The following HS6ST3 variants were observed in gnomAD, a reference collection of about 807,000 sequenced individuals.
HS6ST3 encodes heparan-sulfate 6-O-sulfotransferase 3.
A neutral mutation model predicts 36.7 loss-of-function variants in HS6ST3; 12 were observed. That is an observed-to-expected ratio of 0.33 (90% confidence interval 0.21 to 0.53). The LOEUF is 0.53. HS6ST3 is among the 20% of genes least tolerant of loss of function. The probability of loss-of-function intolerance (pLI) is 0.95; values close to 1 mark genes in which losing one functional copy is unlikely to be tolerated. For missense variants in HS6ST3, 584 were observed against 640.9 expected, an observed-to-expected ratio of 0.91 and a Z score of 0.96; for synonymous variants, 240 against 257.5, an observed-to-expected ratio of 0.93 and a Z score of 0.65.
At chr13:96,194,939 T>C (rs2054305168) in intron 1 of HS6ST3, among the ~76,000 whole-genome samples, 1 of 152,230 alleles carries the variant, frequency 6.6e-6, no homozygotes, top group South Asian at 2.1e-4. Flanking sequence ...ATTTCCAAAC[T>C]TTAATTAACA....
At chr13:96,597,363 A>AT (rs2056405482) in intron 1 of HS6ST3, among the ~76,000 whole-genome samples, 1 of 151,644 alleles carries the variant, frequency 6.6e-6, no homozygotes, top group Admixed American at 6.6e-5. Flanking sequence ...AAAAAAAAAA[A>AT]GGTCATTCTG....
chr13:96,161,050 G>A (rs2054133370), intron 1 of HS6ST3, among the ~76,000 whole-genome samples: 1 of 152,042 alleles, frequency 6.6e-6, no homozygotes, highest in African/African-American at 2.4e-5. Flanking sequence ...ATACATATTT[G>A]CCAAGTAGCA....
intron 1 of HS6ST3, among the ~76,000 whole-genome samples, chr13:96,332,556 G>GGAA (rs2055076994): frequency 6.6e-6 from 1 of 152,106 alleles, no homozygotes; most frequent in South Asian, 2.1e-4. Context: ...TGTTTTAGGT[G>GGAA]GACTTTTTGT....
In HS6ST3 at chr13:96,257,664, T is replaced by G. The variant is rs114695017; in HGVS notation, c.707+166095T>G. ...AGTGCATACTACTTAGCAAGAAGCA[T>G]ATACATATTTCTAAGTAAAAGTATA... On this transcript the variant is annotated intron_variant, in intron 1 of 1. Coordinates refer to ENST00000376705, the MANE Select transcript of HS6ST3 (RefSeq NM_153456.4). 2.4e-3 allele frequency among the ~76,000 whole-genome samples: 371 copies of G among 152,350 alleles called. 4 individuals are homozygous for G. The highest frequency in any genetic ancestry group is 8.5e-3 in the African/African-American group (352 of 41,582).
At chr13:96,519,141 G>A (rs1196937654) in intron 1 of HS6ST3, among the ~76,000 whole-genome samples, 1 of 152,200 alleles carries the variant, frequency 6.6e-6, no homozygotes, top group African/African-American at 2.4e-5. Context: ...TTCAGAAGAT[G>A]TGTTCTTAGG....
chr13:96,238,142 C>G (rs940725607), intron 1 of HS6ST3, among the ~76,000 whole-genome samples: 1 of 151,852 alleles, frequency 6.6e-6, no homozygotes, highest in Non-Finnish European at 1.5e-5. Flanking sequence ...TATCATCTAT[C>G]TAGTTGTTTA....
At chr13:96,700,358 C>T (rs1351642793) in intron 1 of HS6ST3, among the ~76,000 whole-genome samples, 1 of 152,092 alleles carries the variant, frequency 6.6e-6, no homozygotes, top group African/African-American at 2.4e-5. Context: ...AAACCGCCCC[C>T]ATGATCCAAT....
intron 1 of HS6ST3, among the ~76,000 whole-genome samples, chr13:96,648,636 A>C (rs2056597225): frequency 6.6e-6 from 1 of 151,750 alleles, no homozygotes; most frequent in Non-Finnish European, 1.5e-5. Context: ...ATTTATCCTG[A>C]TGCACTCCCT....
At chr13:96,755,311 T>C (rs144327925) in intron 1 of HS6ST3, among the ~76,000 whole-genome samples, 36 of 152,308 alleles carry the variant, frequency 2.4e-4, no homozygotes, top group Non-Finnish European at 4.6e-4. Context: ...CTGAGACTCA[T>C]TCATGCAGCT....
chr13:96,475,610 A>G (rs1282646604), intron 1 of HS6ST3, among the ~76,000 whole-genome samples: 1 of 138,880 alleles, frequency 7.2e-6, no homozygotes, highest in Non-Finnish European at 1.5e-5. Context: ...GCGGAGTACT[A>G]CCAAAAAAAA....
At chr13:96,565,247 A>C (rs2056276794) in intron 1 of HS6ST3, among the ~76,000 whole-genome samples, 1 of 152,068 alleles carries the variant, frequency 6.6e-6, no homozygotes, top group South Asian at 2.1e-4. Flanking sequence ...TTGAGTGGAG[A>C]AGTGGTAGTT....
chr13:96,765,588 T>TTCTCTCTCTCTCTCTCTCTC (rs58979172), intron 1 of HS6ST3, among the ~76,000 whole-genome samples: 52 of 142,706 alleles, frequency 3.6e-4, no homozygotes, highest in Non-Finnish European at 5.6e-4. Context: ...CTCTCTCTCT[T>TTCTCTCTCTCTCTCTCTCTC]TCTCTCTCTC....
chr13:96,790,652 A>G (rs1877765148), intron 1 of HS6ST3, among the ~76,000 whole-genome samples: 1 of 152,036 alleles, frequency 6.6e-6, no homozygotes, highest in Non-Finnish European at 1.5e-5. Flanking sequence ...ATTTATTTCA[A>G]AATCTTGCCT....
chr13:96,111,836 A>T (rs1227510593), intron 1 of HS6ST3, among the ~76,000 whole-genome samples: 3 of 152,226 alleles, frequency 2.0e-5, no homozygotes, highest in Admixed American at 2.0e-4. Flanking sequence ...TGCAGATTTC[A>T]TTGGAGATAA....
chr13:96,611,519 A>C (rs1471864960), intron 1 of HS6ST3, among the ~76,000 whole-genome samples: 2 of 152,206 alleles, frequency 1.3e-5, no homozygotes, highest in Non-Finnish European at 1.5e-5. Flanking sequence ...AAGAGCTTCC[A>C]GTCTATTCAA....
At chr13:96,615,238 A>G (rs1199859615) in intron 1 of HS6ST3, among the ~76,000 whole-genome samples, 1 of 152,226 alleles carries the variant, frequency 6.6e-6, no homozygotes, top group East Asian at 1.9e-4. Context: ...CTTTACCTGT[A>G]TTGCTTCAGT....
chr13:96,401,968 T>C (rs1353438358), intron 1 of HS6ST3, among the ~76,000 whole-genome samples: 1 of 152,212 alleles, frequency 6.6e-6, no homozygotes, highest in Non-Finnish European at 1.5e-5. Flanking sequence ...CTTAGGACTC[T>C]GTCTTTTGTT....
intron 1 of HS6ST3, among the ~76,000 whole-genome samples, chr13:96,489,855 C>T (rs1331372240): frequency 1.3e-5 from 2 of 152,058 alleles, no homozygotes; most frequent in Non-Finnish European, 2.9e-5. Context: ...TATCAGATAA[C>T]ACTATTCTTA....
intron 1 of HS6ST3, among the ~76,000 whole-genome samples, chr13:96,513,449 T>A (rs574553614): frequency 2.0e-5 from 3 of 152,336 alleles, no homozygotes; most frequent in South Asian, 4.1e-4. Context: ...ATAACTTTGC[T>A]AATTTCCATT....
Sources: gnomAD v4.1 joint callset for allele counts (sites outside exome capture counted in the v4.1 genomes callset) on GRCh38, gnomAD v4.1.1 for gene constraint, MANE v1.5 for transcripts, NCBI Gene and HGNC (gene_info 2026-07-23, HGNC 2026-07-21) for gene names.